The following TNNI1 variants were observed in gnomAD, a reference collection of about 807,000 sequenced individuals.
TNNI1 encodes troponin I1, slow skeletal type.
A neutral mutation model predicts 26.7 loss-of-function variants in TNNI1; 14 were observed. The ratio of observed to expected loss-of-function variants is 0.52; its 90% CI spans 0.35 to 0.82. TNNI1 has a LOEUF of 0.82. TNNI1 is among the 40% of genes least tolerant of loss of function. The pLI is 0.01. For synonymous variants in TNNI1, 79 were observed against 98.2 expected, an observed-to-expected ratio of 0.80 and a Z score of 1.16; for missense variants, 164 against 257.0, an observed-to-expected ratio of 0.64 and a Z score of 2.47.
At chr1:201,413,430 A>AAAACAAAC (rs71138333) in intron 5 of TNNI1, among the ~76,000 whole-genome samples, 78,253 of 150,980 alleles carry the variant, frequency 0.52, 21,735 homozygotes, top group African/African-American at 0.7. Flanking sequence ...CCGTCTCAAA[A>AAAACAAAC]AAACAAACAA....
At chr1:201,416,473 CT>C (rs139458720) in intron 3 of TNNI1, among the ~76,000 whole-genome samples, 1 of 152,338 alleles carries the variant, frequency 6.6e-6, no homozygotes, top group East Asian at 1.9e-4. Flanking sequence ...CTGAGAATCT[CT>C]GTGCCAAATA....
intron 2 of TNNI1, 45 bp downstream of exon 2, chr1:201,417,738 G>A: frequency 7.6e-7 from 1 of 1,312,706 alleles, no homozygotes; most frequent in Non-Finnish European, 9.8e-7. Context: ...CTGTGGCAAA[G>A]GGACTTGCCT....
rs749357568 is a variant in TNNI1, at chr1:201,411,357, C to T, written c.456G>A (p.Lys152=). Residue 152 remains lysine (K), a splice_region_variant and synonymous_variant, in exon 7 of 9, where the codon AAG becomes AAA. Coordinates refer to ENST00000361379, the MANE Select transcript of TNNI1 (RefSeq NM_003281.4). The surrounding 1 kb of genome is among the most constrained non-coding windows in gnomAD (Gnocchi z 4.6). ...AATGTTCTGAGGAAAGGGACCTCACCTTCTCTGTGTCTTCCTTCTTCACAG... is the reference window on the plus strand; with the variant it reads ...AATGTTCTGAGGAAAGGGACCTCACTTTCTCTGTGTCTTCCTTCTTCACAG... ...LKSVKKEDTE[K]ERPVEVGDWR... 3.1e-6 allele frequency: 5 copies of T among 1,613,472 alleles called. No individual in the cohort carries two copies. The highest frequency in any genetic ancestry group is 2.2e-5 in the East Asian group (1 of 44,848).
At position 201,407,692 on chromosome 1, in the gene TNNI1, T is replaced by G. The variant is rs1020921235; in HGVS notation, c.*1561A>C. Reference sequence around the variant, plus strand: ...TCGAAAAGCCAAGGGACCCCAGGTCTGGGAACAGCCACTTCCCTTGCAGGC... The same window carrying G: ...TCGAAAAGCCAAGGGACCCCAGGTCGGGGAACAGCCACTTCCCTTGCAGGC... On this transcript the variant is annotated 3_prime_UTR_variant, in exon 9 of 9. Coordinates refer to ENST00000361379, the MANE Select transcript of TNNI1 (RefSeq NM_003281.4). 6.6e-6 allele frequency: 1 copy of G among 152,214 alleles called. No individual in the cohort carries two copies. The highest frequency in any genetic ancestry group is 1.5e-5 in the Non-Finnish European group (1 of 68,080). 9.4% of individuals were successfully genotyped at this position (152,214 alleles called of 1,614,324 possible). A position where few individuals can be genotyped will look rare whatever the true frequency, so the allele number is the denominator to read the frequency against.
intron 1 of TNNI1, among the ~76,000 whole-genome samples, chr1:201,419,834 C>G (rs897025362): frequency 3.3e-5 from 5 of 152,188 alleles, no homozygotes; most frequent in African/African-American, 1.2e-4. Context: ...TCTCAGCTGT[C>G]ATGCTGGGGC....
chr1:201,416,331 TA>T (rs1416052311), intron 3 of TNNI1, among the ~76,000 whole-genome samples: 1 of 152,224 alleles, frequency 6.6e-6, no homozygotes, highest in African/African-American at 2.4e-5. Flanking sequence ...ACTGCGATCT[TA>T]TTTCCCCACC....
chr1:201,417,271 A>C, intron 2 of TNNI1, 152 bp from the exon 3 acceptor site: 1 of 1,031,174 alleles, frequency 9.7e-7, no homozygotes, highest in Non-Finnish European at 1.5e-6. Context: ...GTCATCAGGC[A>C]TCAGGCAAGG....
intron 3 of TNNI1, 132 bp from the exon 4 acceptor site, chr1:201,415,386 C>T: frequency 1.1e-6 from 1 of 894,898 alleles, no homozygotes; most frequent in Non-Finnish European, 1.7e-6. Context: ...CCTACGGTGC[C>T]TTAAAAGCTC....
rs755253482 is a variant in TNNI1 at position 201,411,552 on chromosome 1, C to T, written c.280-19G>A. 68 of 1,543,290 alleles carry T rather than the reference C, an allele frequency of 4.4e-5. 1 individual carries two copies. The highest frequency in any genetic ancestry group is 1.7e-4 in the Middle Eastern group (1 of 5,766). Reference sequence around the variant, plus strand: ...CCTTAATCTGTAGGTGAGAAGCGCCCGGGGCTCACTGGAGAGGCAGCTAGC... The same window carrying T: ...CCTTAATCTGTAGGTGAGAAGCGCCTGGGGCTCACTGGAGAGGCAGCTAGC... On this transcript the variant is annotated intron_variant, in intron 6 of 8. Coordinates refer to ENST00000361379, the MANE Select transcript of TNNI1 (RefSeq NM_003281.4). The surrounding 1 kb of genome is among the most constrained non-coding windows in gnomAD (Gnocchi z 4.6).
chr1:201,416,049 C>T (rs959763449), intron 3 of TNNI1, among the ~76,000 whole-genome samples: 3 of 151,982 alleles, frequency 2.0e-5, no homozygotes, highest in African/African-American at 2.4e-5. Context: ...TGCTGTGAGC[C>T]GGCAGAGCAT....
At chr1:201,416,127 G>A (rs1662735435) in intron 3 of TNNI1, among the ~76,000 whole-genome samples, 1 of 152,174 alleles carries the variant, frequency 6.6e-6, no homozygotes. Flanking sequence ...GTTCTCATGA[G>A]AGACAATGGA....
At chr1:201,417,231 A>AG in intron 2 of TNNI1, 112 bp from the exon 3 acceptor site, 1 of 1,433,876 alleles carries the variant, frequency 7.0e-7, no homozygotes, top group Non-Finnish European at 9.8e-7. Context: ...TTGGGGGAGG[A>AG]GGGGGCCAGT....
chr1:201,410,775 T>C (rs906014453), intron 7 of TNNI1, among the ~76,000 whole-genome samples: 2 of 152,216 alleles, frequency 1.3e-5, no homozygotes, highest in African/African-American at 4.8e-5. Context: ...TTCCAAGAAG[T>C]CTTCCCCTGC....
chr1:201,418,629 G>A (rs1472231482), intron 1 of TNNI1, among the ~76,000 whole-genome samples: 3 of 152,198 alleles, frequency 2.0e-5, no homozygotes, highest in Admixed American at 6.5e-5. Context: ...GCTGGAAAAC[G>A]GGTAGCTGCC....
intron 1 of TNNI1, among the ~76,000 whole-genome samples, chr1:201,419,364 G>A (rs1558284120): frequency 6.6e-6 from 1 of 152,198 alleles, no homozygotes; most frequent in African/African-American, 2.4e-5. Context: ...CCAATGCAGG[G>A]GAAGGGAGGA....
intron 1 of TNNI1, among the ~76,000 whole-genome samples, chr1:201,418,739 C>T (rs1662799757): frequency 6.6e-6 from 1 of 152,202 alleles, no homozygotes; most frequent in Non-Finnish European, 1.5e-5. Context: ...CAAGGCAGGG[C>T]AAATCCCGTG....
At chr1:201,412,923 C>T (rs2102370708) in intron 6 of TNNI1, 109 bp downstream of exon 6, 4 of 1,104,336 alleles carry the variant, frequency 3.6e-6, no homozygotes, top group Non-Finnish European at 5.5e-6. Flanking sequence ...GCTTAAGTGG[C>T]CCCTTCCTAG....
At chr1:201,414,270 C>A (rs1662693451) in intron 5 of TNNI1, among the ~76,000 whole-genome samples, 1 of 152,226 alleles carries the variant, frequency 6.6e-6, no homozygotes, top group Admixed American at 6.5e-5. Flanking sequence ...GATTGTGAAG[C>A]TGGGCCGCCC....
chr1:201,419,211 T>G (rs968350526), intron 1 of TNNI1, among the ~76,000 whole-genome samples: 3 of 152,236 alleles, frequency 2.0e-5, no homozygotes, highest in Non-Finnish European at 2.9e-5. Flanking sequence ...GTGAGGACAC[T>G]TGGCTGTGGA....
Sources: allele counts gnomAD v4.1 joint callset (sites outside exome capture counted in the v4.1 genomes callset), GRCh38; gene constraint gnomAD v4.1.1; non-coding constraint Gnocchi (gnomAD v3.1); transcripts MANE v1.5; gene names NCBI Gene and HGNC (gene_info 2026-07-23, HGNC 2026-07-21).